The following IFT80 variants were observed in gnomAD, a reference collection of about 807,000 sequenced individuals.
The protein encoded by IFT80 is intraflagellar transport protein 80 homolog.
IFT80 carries 79 observed loss-of-function variants against 107.9 expected under a neutral mutation model. That is an observed-to-expected ratio of 0.73 (90% CI 0.61 to 0.88). IFT80 has a LOEUF of 0.88. Ranked by LOEUF, IFT80 falls within the 40% of genes least tolerant of loss-of-function variation. The pLI, the probability that IFT80 is intolerant of heterozygous loss-of-function variation, is 0.00. For synonymous variants in IFT80, 299 were observed against 300.9 expected, an observed-to-expected ratio of 0.99 and a Z score of 0.07; for missense variants, 797 against 914.2, an observed-to-expected ratio of 0.87 and a Z score of 1.65.
intron 12 of IFT80, among the ~76,000 whole-genome samples, chr3:160,298,623 G>C (rs189243037): frequency 2.0e-5 from 3 of 152,242 alleles, no homozygotes; most frequent in African/African-American, 7.2e-5. Flanking sequence ...GTTCAGTTGG[G>C]AACACATATA....
intron 8 of IFT80, among the ~76,000 whole-genome samples, chr3:160,345,693 C>CAAAAAAA (rs75389794): frequency 1.3e-5 from 1 of 74,904 alleles, no homozygotes. Context: ...GACTCTGTCT[C>CAAAAAAA]AAAAAAAAAA....
Position 160,301,023 on chromosome 3 carries a change from C to T in IFT80, c.1175G>A (p.Ser392Asn), listed in dbSNP as rs1716383902. The change falls in exon 12 of 20, where the codon AGT becomes AAT. Residue 392 changes from serine (S) to asparagine (N), a missense_variant. Ser to Asn is a conservative substitution (Grantham distance 46, BLOSUM62 1). Coordinates refer to ENST00000326448, the MANE Select transcript of IFT80 (RefSeq NM_020800.3). ...TTCATATGAATATAAATAGATACTA[C>T]TACCATCTACAAGAAGAAAATGTCT... Reference protein sequence around the residue: ...AERHFLLVDGSSIYLYSYEGR... With the variant: ...AERHFLLVDGNSIYLYSYEGR... 4 of 1,584,430 alleles carry T rather than the reference C, an allele frequency of 2.5e-6. No individual in the cohort carries two copies. In the East Asian group the frequency reaches 9.0e-5, roughly 36 times the overall value.
In IFT80 at chr3:160,277,352, C is replaced by T; in HGVS notation, c.2053G>A (p.Val685Ile). ...AEIVLLQAGL[V>I]YQAIQININL... ...ATATTGATCTGGATTGCTTGATAAA[C>T]AAGGCCAGCCTGAAGAAGTACTATT... The change falls in exon 18 of 20, where the codon GTT (valine) becomes ATT (isoleucine). Residue 685 changes from valine (V) to isoleucine (I), a missense_variant. Val to Ile is a conservative substitution (Grantham distance 29). Coordinates refer to ENST00000326448, the MANE Select transcript of IFT80 (RefSeq NM_020800.3). The T allele has an allele frequency of 2.5e-6, 4 of 1,613,550 alleles. No homozygotes were observed. Among genetic ancestry groups the T allele is most frequent in the Non-Finnish European group, 3.4e-6 (4 of 1,179,870 alleles).
At chr3:160,296,021 A>G (rs1715953868) in intron 12 of IFT80, among the ~76,000 whole-genome samples, 1 of 152,164 alleles carries the variant, frequency 6.6e-6, no homozygotes. Flanking sequence ...GTTGCTAATC[A>G]AGGGCATAAA....
At chr3:160,298,539 A>G (rs1312758983) in intron 12 of IFT80, among the ~76,000 whole-genome samples, 1 of 152,190 alleles carries the variant, frequency 6.6e-6, no homozygotes, top group African/African-American at 2.4e-5. Context: ...ATCAATTATC[A>G]ATGGATTAAA....
chr3:160,275,591 A>G (rs772828961), intron 18 of IFT80, among the ~76,000 whole-genome samples: 9 of 152,174 alleles, frequency 5.9e-5, no homozygotes, highest in African/African-American at 9.6e-5. Context: ...AATGACAACG[A>G]AATGGAATTC....
At chr3:160,352,276 G>A (rs12630770) in intron 8 of IFT80, among the ~76,000 whole-genome samples, 32,141 of 151,822 alleles carry the variant, frequency 0.21, 3,733 homozygotes, top group Non-Finnish European at 0.26. Context: ...TTACAGGCGT[G>A]AGCCACCACG....
chr3:160,322,616 C>A (rs1257848451), intron 8 of IFT80, among the ~76,000 whole-genome samples: 1 of 152,148 alleles, frequency 6.6e-6, no homozygotes, highest in African/African-American at 2.4e-5. Flanking sequence ...ACCACACTGA[C>A]TTCCACAAGG....
At chr3:160,308,065 A>G (rs1431857702) in intron 9 of IFT80, among the ~76,000 whole-genome samples, 1 of 152,176 alleles carries the variant, frequency 6.6e-6, no homozygotes, top group Non-Finnish European at 1.5e-5. Context: ...GGAGTGATAT[A>G]AAAAATATTC....
intron 8 of IFT80, among the ~76,000 whole-genome samples, chr3:160,329,211 T>C (rs1576818444): frequency 6.6e-6 from 1 of 152,192 alleles, no homozygotes; most frequent in African/African-American, 2.4e-5. Flanking sequence ...ATAATTTTTA[T>C]TGGTAAATAA....
chr3:160,350,287 A>G (rs930147840), intron 8 of IFT80, among the ~76,000 whole-genome samples: 2 of 151,610 alleles, frequency 1.3e-5, no homozygotes, highest in African/African-American at 4.9e-5. Context: ...GTGGTGGTGG[A>G]CGCCTGTAGT....
chr3:160,297,420 C>A, intron 12 of IFT80, among the ~76,000 whole-genome samples: 1 of 151,740 alleles, frequency 6.6e-6, no homozygotes, highest in African/African-American at 2.4e-5. Context: ...GCATTGAGTA[C>A]TCAGCAAAAA....
chr3:160,397,909 C>T (rs1028041981), intron 1 of IFT80, among the ~76,000 whole-genome samples: 2 of 151,632 alleles, frequency 1.3e-5, no homozygotes, highest in Non-Finnish European at 2.9e-5. Flanking sequence ...TTAGTAGAGA[C>T]GGGGTTTGTC....
chr3:160,376,275 G>C (rs1374554443), intron 4 of IFT80, among the ~76,000 whole-genome samples: 2 of 152,198 alleles, frequency 1.3e-5, no homozygotes, highest in East Asian at 3.8e-4. Flanking sequence ...CAGTGAGTTG[G>C]GGACTGAATG....
At chr3:160,292,159 T>G (rs959100425) in intron 12 of IFT80, among the ~76,000 whole-genome samples, 2 of 152,178 alleles carry the variant, frequency 1.3e-5, no homozygotes, top group Admixed American at 1.3e-4. Context: ...GCACTGGGCT[T>G]TACTTAACCA....
chr3:160,284,718 T>C (rs542755859), intron 13 of IFT80, among the ~76,000 whole-genome samples: 3 of 152,306 alleles, frequency 2.0e-5, no homozygotes, highest in Admixed American at 2.0e-4. Context: ...TAAAATGTTA[T>C]ACCATACAGT....
At position 160,352,313 on chromosome 3, in the gene IFT80, G is replaced by A. The variant is rs1050819258; in HGVS notation, c.777+3700C>T. 1.2e-3 allele frequency among the ~76,000 whole-genome samples: 179 copies of A among 152,134 alleles called. 2 individuals carry two copies. Among genetic ancestry groups the A allele is most frequent in the African/African-American group, 4.3e-3 (177 of 41,420 alleles). On this transcript the variant is annotated intron_variant, in intron 8 of 19. Coordinates refer to ENST00000326448, the MANE Select transcript of IFT80 (RefSeq NM_020800.3). The stretch of plus-strand genomic sequence containing the variant: ...CCGGCCCCCAACAGTAATTTTAAAT[G>A]AAGAAGATGCTTAGAACAAGTCAGA...
At chr3:160,265,551 T>C (rs916552474) in intron 19 of IFT80, among the ~76,000 whole-genome samples, 16 of 152,232 alleles carry the variant, frequency 1.1e-4, no homozygotes, top group Non-Finnish European at 2.9e-5. Flanking sequence ...TAAAATTTGT[T>C]TTATAAATAT....
chr3:160,389,058 C>G (rs1057206083), intron 1 of IFT80, among the ~76,000 whole-genome samples: 11 of 152,122 alleles, frequency 7.2e-5, no homozygotes, highest in African/African-American at 2.7e-4. Context: ...GTATTTAAAG[C>G]CCTTTAATTT....
Sources: gnomAD v4.1 joint callset for allele counts (sites outside exome capture counted in the v4.1 genomes callset) on GRCh38, gnomAD v4.1.1 for gene constraint, MANE v1.5 for transcripts, NCBI Gene and HGNC (gene_info 2026-07-23, HGNC 2026-07-21) for gene names.